FGF14: variants seen among roughly 807,000 people sequenced by gnomAD.
FGF14 encodes fibroblast growth factor homologous factor 4.
Under a neutral mutation model 25.5 loss-of-function variants are expected in FGF14, and 5 were observed. The ratio of observed to expected loss-of-function variants is 0.20; its 90% CI spans 0.10 to 0.41. FGF14 has a LOEUF of 0.41. FGF14 is among the 10% of genes least tolerant of loss of function. The pLI is 1.00. For synonymous variants in FGF14, 138 were observed against 118.3 expected (o/e 1.17, Z -1.08); for missense variants, 222 against 320.1 (o/e 0.69, Z 2.34).
chr13:102,051,935 A>G (rs1265526186), intron 1 of FGF14, among the ~76,000 whole-genome samples: 2 of 152,210 alleles, frequency 1.3e-5, no homozygotes, highest in Non-Finnish European at 2.9e-5. Context: ...GATATATTAA[A>G]TGCTTAAAAA....
At chr13:102,340,597 A>G (rs1459194073) in intron 1 of FGF14, among the ~76,000 whole-genome samples, 2 of 152,218 alleles carry the variant, frequency 1.3e-5, no homozygotes, top group African/African-American at 4.8e-5. Flanking sequence ...TCTAACTATC[A>G]TATTTCCTGA....
chr13:102,354,561 A>G (rs965323524), intron 1 of FGF14, among the ~76,000 whole-genome samples: 3 of 152,082 alleles, frequency 2.0e-5, no homozygotes, highest in Non-Finnish European at 4.4e-5. Flanking sequence ...AATATAAAAA[A>G]CCAAGCTGTA....
intron 1 of FGF14, among the ~76,000 whole-genome samples, chr13:102,389,244 C>T (rs1284710740): frequency 1.3e-5 from 2 of 152,068 alleles, no homozygotes; most frequent in Admixed American, 1.3e-4. Flanking sequence ...TTAAATCTCC[C>T]CCAGTAACTA....
chr13:102,061,177 T>G (rs7998844), intron 1 of FGF14, among the ~76,000 whole-genome samples: 5,808 of 152,284 alleles, frequency 0.038, 369 homozygotes, highest in African/African-American at 0.13. Flanking sequence ...ATTTTTCCAG[T>G]ACACAAGGGC....
chr13:101,746,734 G>C (rs1304784800), intron 3 of FGF14, among the ~76,000 whole-genome samples: 1 of 151,976 alleles, frequency 6.6e-6, no homozygotes, highest in Non-Finnish European at 1.5e-5. Context: ...CTCAACCTGA[G>C]TGATTATTTA....
chr13:101,795,325 T>C (rs2040459650), intron 3 of FGF14, among the ~76,000 whole-genome samples: 1 of 152,132 alleles, frequency 6.6e-6, no homozygotes, highest in Non-Finnish European at 1.5e-5. Flanking sequence ...GAGAAAGTCC[T>C]TTTAGGACTG....
At chr13:102,343,419 C>T (rs2138920195) in intron 1 of FGF14, among the ~76,000 whole-genome samples, 1 of 152,234 alleles carries the variant, frequency 6.6e-6, no homozygotes, top group African/African-American at 2.4e-5. Flanking sequence ...GAGCTGCTCC[C>T]TTATAGCTCA....
At chr13:102,282,343 C>G (rs2053886456) in intron 1 of FGF14, among the ~76,000 whole-genome samples, 1 of 152,078 alleles carries the variant, frequency 6.6e-6, no homozygotes, top group Non-Finnish European at 1.5e-5. Flanking sequence ...TGGGAGCCAC[C>G]ACGCCCAGCC....
At chr13:101,839,355 G>GA (rs1467006706) in intron 3 of FGF14, among the ~76,000 whole-genome samples, 7 of 152,026 alleles carry the variant, frequency 4.6e-5, no homozygotes, top group Non-Finnish European at 1.5e-5. Context: ...TAACTTTAAG[G>GA]AAAAATAGAA....
At position 101,716,338 on chromosome 13, in the gene FGF14, G is replaced by A. The variant is rs1430937647; in HGVS notation, c.*6493C>T. On this transcript the variant is annotated 3_prime_UTR_variant, in exon 5 of 5. Transcript: ENST00000376143. ...TGACATTAAATCATTTAGCCACTAA[G>A]TTATTTGTCTACTCTCACTTTAAAC... 6.6e-6 allele frequency: 1 copy of A among 152,096 alleles called. No homozygotes were observed. The highest frequency in any genetic ancestry group is 2.4e-5 in the African/African-American group (1 of 41,418). 9.4% of individuals were successfully genotyped at this position (152,096 alleles called of 1,614,324 possible).
At chr13:102,048,213 T>A (rs531275498) in intron 1 of FGF14, among the ~76,000 whole-genome samples, 9 of 151,640 alleles carry the variant, frequency 5.9e-5, no homozygotes, top group Non-Finnish European at 1.3e-4. Flanking sequence ...TCTTAGGTCA[T>A]AACCTTGCTC....
At chr13:102,191,731 G>C (rs2049131314) in intron 1 of FGF14, among the ~76,000 whole-genome samples, 1 of 151,978 alleles carries the variant, frequency 6.6e-6, no homozygotes, top group African/African-American at 2.4e-5. Context: ...CAATTCTAAA[G>C]TACAAAGTCT....
chr13:101,818,032 A>G (rs1262072481), intron 3 of FGF14, among the ~76,000 whole-genome samples: 1 of 152,196 alleles, frequency 6.6e-6, no homozygotes, highest in Non-Finnish European at 1.5e-5. Context: ...AGTGCTTACT[A>G]TACATCTGAA....
intron 1 of FGF14, among the ~76,000 whole-genome samples, chr13:102,226,989 T>TC (rs1197580849): frequency 6.6e-6 from 1 of 152,012 alleles, no homozygotes. Flanking sequence ...CTCCATTTCC[T>TC]CCCCCAATAT....
chr13:101,872,868 C>T (rs780327977), intron 2 of FGF14, among the ~76,000 whole-genome samples: 1 of 151,966 alleles, frequency 6.6e-6, no homozygotes, highest in Admixed American at 6.6e-5. Context: ...GGAATTTGAG[C>T]CCCTCGAGTG....
intron 1 of FGF14, among the ~76,000 whole-genome samples, chr13:102,066,107 T>C (rs1439431072): frequency 1.3e-5 from 2 of 152,220 alleles, no homozygotes; most frequent in East Asian, 3.9e-4. Flanking sequence ...ACATTAATAA[T>C]AACATTTGGC....
At chr13:102,023,623 C>T (rs549594499) in intron 1 of FGF14, among the ~76,000 whole-genome samples, 4 of 152,050 alleles carry the variant, frequency 2.6e-5, no homozygotes, top group Non-Finnish European at 1.5e-5. Context: ...CAGCCCCTGA[C>T]AACAACTAAT....
intron 1 of FGF14, among the ~76,000 whole-genome samples, chr13:101,984,234 T>C (rs1233846921): frequency 6.6e-6 from 1 of 152,162 alleles, no homozygotes; most frequent in Non-Finnish European, 1.5e-5. Flanking sequence ...GGCATTGTGA[T>C]GCTTTTTCAT....
chr13:102,014,545 A>G (rs913084865), intron 1 of FGF14, among the ~76,000 whole-genome samples: 1 of 152,176 alleles, frequency 6.6e-6, no homozygotes, highest in Non-Finnish European at 1.5e-5. Flanking sequence ...ATGCAGAGGA[A>G]CCAATTATCG....
Sources: gnomAD v4.1 joint callset for allele counts (sites outside exome capture counted in the v4.1 genomes callset) on GRCh38, gnomAD v4.1.1 for gene constraint, MANE v1.5 for transcripts, NCBI Gene and HGNC (gene_info 2026-07-23, HGNC 2026-07-21) for gene names.